Variants in MSRB3 observed in about 807,000 individuals in gnomAD.
MSRB3 encodes methionine-R-sulfoxide reductase B3.
MSRB3 carries 13 observed loss-of-function variants against 21.0 expected under a neutral mutation model. The observed-to-expected ratio is 0.62, with a 90% CI of 0.40 to 0.98. The LOEUF (loss-of-function observed/expected upper bound fraction) is 0.98, where lower values mean the gene tolerates loss of function less well. Ranked by LOEUF, MSRB3 falls within the 50% of genes least tolerant of loss-of-function variation. The probability of loss-of-function intolerance (pLI) is 0.00; values close to 1 mark genes in which losing one functional copy is unlikely to be tolerated. For synonymous variants in MSRB3, 87 were observed against 88.6 expected, an observed-to-expected ratio of 0.98 and a Z score of 0.10; for missense variants, 199 against 230.3, an observed-to-expected ratio of 0.86 and a Z score of 0.88.
chr12:65,350,606 G>C (rs1225903044), intron 4 of MSRB3, among the ~76,000 whole-genome samples: 1 of 150,332 alleles, frequency 6.7e-6, no homozygotes, highest in Non-Finnish European at 1.5e-5. Flanking sequence ...AAAATTAAAG[G>C]ATGGAGGAAG....
At chr12:65,320,397 CT>C (rs1484340647) in intron 2 of MSRB3, among the ~76,000 whole-genome samples, 1 of 152,098 alleles carries the variant, frequency 6.6e-6, no homozygotes, top group African/African-American at 2.4e-5. Context: ...TAATTTTATA[CT>C]TTCTTTGGTT....
chr12:65,352,580 A>C (rs2136498780), intron 4 of MSRB3, among the ~76,000 whole-genome samples: 1 of 152,110 alleles, frequency 6.6e-6, no homozygotes, highest in East Asian at 1.9e-4. Flanking sequence ...GTCTCAGCCC[A>C]AAATCTCCTT....
At chr12:65,441,432 A>G (rs528259037) in intron 5 of MSRB3, among the ~76,000 whole-genome samples, 1 of 151,980 alleles carries the variant, frequency 6.6e-6, no homozygotes, top group East Asian at 1.9e-4. Context: ...TTACCTGGAG[A>G]CTCTGTAACT....
intron 5 of MSRB3, among the ~76,000 whole-genome samples, chr12:65,370,537 C>T (rs1451210567): frequency 6.6e-6 from 1 of 152,068 alleles, no homozygotes; most frequent in Non-Finnish European, 1.5e-5. Flanking sequence ...GAAGGTAGAA[C>T]CTGGAAGTAG....
At chr12:65,458,157 A>C (rs1592656008) in intron 6 of MSRB3, among the ~76,000 whole-genome samples, 1 of 152,320 alleles carries the variant, frequency 6.6e-6, no homozygotes. Flanking sequence ...TTCATGGACA[A>C]AACCTGAATC....
chr12:65,382,357 C>CTAAG (rs1878983468), intron 5 of MSRB3, among the ~76,000 whole-genome samples: 1 of 3,126 alleles, frequency 3.2e-4, no homozygotes, highest in Admixed American at 0.018. Context: ...GAGTTTTATT[C>CTAAG]TTAGATTTAA....
chr12:65,280,802 A>G (rs972693454), intron 1 of MSRB3, among the ~76,000 whole-genome samples: 1 of 152,258 alleles, frequency 6.6e-6, no homozygotes, highest in Non-Finnish European at 1.5e-5. Context: ...TTGTTCTAAT[A>G]TTTTAACTAA....
intron 6 of MSRB3, 33 bp downstream of exon 6, chr12:65,453,858 T>G (rs1341031759): frequency 1.3e-6 from 2 of 1,543,270 alleles, no homozygotes; most frequent in East Asian, 4.5e-5. Flanking sequence ...CCCAATACAT[T>G]GCTTTCAGGA....
chr12:65,342,202 A>AT (rs1024222923), intron 4 of MSRB3, among the ~76,000 whole-genome samples: 1 of 150,318 alleles, frequency 6.7e-6, no homozygotes, highest in African/African-American at 2.5e-5. Flanking sequence ...AGAGTATATT[A>AT]TTAAAAAAAA....
intron 5 of MSRB3, among the ~76,000 whole-genome samples, chr12:65,379,359 A>T: frequency 6.6e-6 from 1 of 152,208 alleles, no homozygotes; most frequent in East Asian, 1.9e-4. Context: ...AGAGCTGACA[A>T]TTTACAGTTT....
intron 1 of MSRB3, among the ~76,000 whole-genome samples, chr12:65,297,296 G>T (rs1371092919): frequency 6.6e-6 from 1 of 152,134 alleles, no homozygotes; most frequent in East Asian, 1.9e-4. Flanking sequence ...GTGATGGATT[G>T]ATAGGTGCAG....
At chr12:65,418,961 T>C (rs1881128668) in intron 5 of MSRB3, 1 of 708,722 alleles carries the variant, frequency 1.4e-6, no homozygotes. Context: ...TCTGCCCGGG[T>C]CTGTGTCAAC....
chr12:65,444,592 TA>T (rs1381977250), intron 5 of MSRB3, among the ~76,000 whole-genome samples: 1 of 152,152 alleles, frequency 6.6e-6, no homozygotes, highest in Non-Finnish European at 1.5e-5. Context: ...CCAAATATCT[TA>T]AAATAAACCT....
chr12:65,286,242 C>T (rs569872768), intron 1 of MSRB3: 2 of 152,254 alleles, frequency 1.3e-5, no homozygotes, highest in Non-Finnish European at 2.9e-5. Flanking sequence ...TCATTGTCCT[C>T]TTACTTTAGA....
intron 4 of MSRB3, among the ~76,000 whole-genome samples, chr12:65,367,772 G>C (rs1184988069): frequency 6.6e-6 from 1 of 152,140 alleles, no homozygotes; most frequent in Non-Finnish European, 1.5e-5. Context: ...TTGAGATGAG[G>C]ACTATGGTAG....
intron 5 of MSRB3, among the ~76,000 whole-genome samples, chr12:65,438,641 C>T (rs1425128440): frequency 1.3e-5 from 2 of 151,746 alleles, no homozygotes; most frequent in Admixed American, 6.6e-5. Flanking sequence ...ATAACATCTA[C>T]AGGAGAGGAA....
intron 5 of MSRB3, among the ~76,000 whole-genome samples, chr12:65,444,278 A>G (rs903765876): frequency 6.6e-5 from 10 of 152,198 alleles, no homozygotes; most frequent in African/African-American, 2.2e-4. Flanking sequence ...ACAGATTACA[A>G]TGGTCATTTA....
intron 5 of MSRB3, among the ~76,000 whole-genome samples, chr12:65,412,652 A>T (rs1880777232): frequency 1.3e-5 from 2 of 152,140 alleles, no homozygotes; most frequent in African/African-American, 4.8e-5. Context: ...GCACCAACCT[A>T]GTAATTTTCT....
At chr12:65,408,876 G>T (rs1880563820) in intron 5 of MSRB3, among the ~76,000 whole-genome samples, 1 of 152,128 alleles carries the variant, frequency 6.6e-6, no homozygotes, top group Non-Finnish European at 1.5e-5. Flanking sequence ...ATGAGGGCAG[G>T]CCTTGTTAAA....
Sources: allele counts gnomAD v4.1 joint callset (sites outside exome capture counted in the v4.1 genomes callset), GRCh38; gene constraint gnomAD v4.1.1; transcripts MANE v1.5; gene names NCBI Gene and HGNC (gene_info 2026-07-23, HGNC 2026-07-21).